Variants in FAM13A observed in about 807,000 individuals in gnomAD.
The protein encoded by FAM13A is protein FAM13A.
Under a neutral mutation model 129.6 loss-of-function variants are expected in FAM13A, and 76 were observed. The ratio of observed to expected loss-of-function variants is 0.59; its 90% CI spans 0.49 to 0.71. FAM13A has a LOEUF of 0.71. Among genes scored for constraint, FAM13A ranks in the 30% least tolerant of loss-of-function variants. The pLI is 0.00. For missense variants in FAM13A, 1,108 were observed against 1,249.3 expected, an observed-to-expected ratio of 0.89 and a Z score of 1.70; for synonymous variants, 443 against 449.9, an observed-to-expected ratio of 0.98 and a Z score of 0.20.
At chr4:88,980,909 T>A (rs1471276476) in intron 4 of FAM13A, among the ~76,000 whole-genome samples, 2 of 152,202 alleles carry the variant, frequency 1.3e-5, no homozygotes, top group African/African-American at 4.8e-5. Flanking sequence ...AAACTCTAAC[T>A]TATTGTGTTG....
intron 7 of FAM13A, among the ~76,000 whole-genome samples, chr4:88,820,764 G>A (rs2149827336): frequency 6.6e-6 from 1 of 152,200 alleles, no homozygotes; most frequent in East Asian, 1.9e-4. Flanking sequence ...GTGAGTCTAG[G>A]GAAGGAGGGC....
At chr4:89,022,788 C>T (rs548089865) in intron 2 of FAM13A, among the ~76,000 whole-genome samples, 30 of 152,298 alleles carry the variant, frequency 2.0e-4, no homozygotes, top group African/African-American at 7.2e-4. Context: ...GTCTGATGTA[C>T]TTTATTAGCT....
intron 3 of FAM13A, among the ~76,000 whole-genome samples, chr4:88,995,817 A>C (rs1579681228): frequency 6.6e-6 from 1 of 152,250 alleles, no homozygotes; most frequent in African/African-American, 2.4e-5. Context: ...ATACAAAAGC[A>C]AACTCCATGC....
chr4:88,797,189 T>C (rs1457039008), intron 8 of FAM13A, among the ~76,000 whole-genome samples: 2 of 152,104 alleles, frequency 1.3e-5, no homozygotes, highest in Non-Finnish European at 2.9e-5. Context: ...ACAAATATGT[T>C]TCTTCATTCA....
At chr4:88,954,758 C>T (rs1964516) in intron 4 of FAM13A, among the ~76,000 whole-genome samples, 68,667 of 151,516 alleles carry the variant, frequency 0.45, 15,699 homozygotes, top group East Asian at 0.53. Flanking sequence ...TGGTGGTGCG[C>T]GCCTATAATC....
At chr4:88,926,643 C>G (rs976147824) in intron 5 of FAM13A, among the ~76,000 whole-genome samples, 1 of 152,112 alleles carries the variant, frequency 6.6e-6, no homozygotes, top group Admixed American at 6.6e-5. Context: ...TACCTATAAT[C>G]GCTCTATAAA....
chr4:88,905,340 T>C (rs1476792941), intron 6 of FAM13A, among the ~76,000 whole-genome samples: 2 of 152,136 alleles, frequency 1.3e-5, no homozygotes, highest in Non-Finnish European at 2.9e-5. Context: ...TTTCAACATG[T>C]TGGCCAGACT....
At chr4:88,944,471 C>G (rs1350516887) in intron 4 of FAM13A, among the ~76,000 whole-genome samples, 1 of 152,226 alleles carries the variant, frequency 6.6e-6, no homozygotes, top group Non-Finnish European at 1.5e-5. Context: ...TGCCTAGCTT[C>G]AAGGGTTCCC....
intron 4 of FAM13A, among the ~76,000 whole-genome samples, chr4:88,988,613 T>G (rs1560676419): frequency 6.6e-6 from 1 of 152,116 alleles, no homozygotes. Flanking sequence ...TCCTTCAAAT[T>G]GTATGACTGA....
chr4:88,769,663 CT>C (rs1720230925), intron 11 of FAM13A, among the ~76,000 whole-genome samples: 2 of 151,956 alleles, frequency 1.3e-5, no homozygotes, highest in Non-Finnish European at 2.9e-5. Context: ...GAAACCCCAT[CT>C]CTACTAAAAA....
At chr4:88,737,850 G>A (rs1043205855) in intron 20 of FAM13A, among the ~76,000 whole-genome samples, 5 of 152,086 alleles carry the variant, frequency 3.3e-5, no homozygotes, top group Admixed American at 2.6e-4. Context: ...GCCTCCCATC[G>A]CTGCCCCTGC....
chr4:88,828,328 G>A (rs1341175520), intron 7 of FAM13A, among the ~76,000 whole-genome samples: 3 of 152,046 alleles, frequency 2.0e-5, no homozygotes, highest in Admixed American at 6.6e-5. Flanking sequence ...GTAGAGATGA[G>A]GTTCTTACTA....
intron 6 of FAM13A, among the ~76,000 whole-genome samples, chr4:88,878,246 C>CCACT (rs1282087066): frequency 7.5e-6 from 1 of 134,012 alleles, no homozygotes; most frequent in Non-Finnish European, 1.5e-5. Flanking sequence ...CGAGATTGCG[C>CCACT]CACTGCACTC....
chr4:88,838,182 T>G (rs894858288), intron 7 of FAM13A, among the ~76,000 whole-genome samples: 1 of 68,224 alleles, frequency 1.5e-5, no homozygotes, highest in African/African-American at 1.3e-4. Context: ...AGGGAGGTCC[T>G]GAAACCTACC....
At chr4:88,776,741 G>A (rs1482618440) in intron 11 of FAM13A, among the ~76,000 whole-genome samples, 1 of 152,070 alleles carries the variant, frequency 6.6e-6, no homozygotes. Context: ...TTGAGAAGCC[G>A]AGGGGGGCAG....
At position 88,787,969 on chromosome 4, in the gene FAM13A, AG is replaced by A. The variant is rs763472139; in HGVS notation, c.1092-38del. ...GAATGCAGAGTCATTCAAGCAGTCA[AG>A]TTCATCAGTGATCACCTTAAAAAAT... On this transcript the variant is annotated intron_variant, in intron 9 of 23. Transcript: ENST00000264344. The A allele has an allele frequency of 2.6e-6, 4 of 1,555,262 alleles. No homozygotes were observed. In the African/African-American group the frequency reaches 5.5e-5, roughly 21 times the overall value.
chr4:88,941,566 T>C (rs1561393525), intron 4 of FAM13A, among the ~76,000 whole-genome samples: 3 of 152,206 alleles, frequency 2.0e-5, no homozygotes, highest in Non-Finnish European at 4.4e-5. Context: ...TGTTGTAATT[T>C]TGTCTTCTGA....
intron 5 of FAM13A, among the ~76,000 whole-genome samples, chr4:88,927,665 C>T (rs973125446): frequency 4.0e-5 from 6 of 151,720 alleles, no homozygotes; most frequent in Admixed American, 3.9e-4. Context: ...TCATAATAGT[C>T]TTTGATGATT....
chr4:88,954,376 T>A (rs534187131), intron 4 of FAM13A, among the ~76,000 whole-genome samples: 4 of 152,240 alleles, frequency 2.6e-5, no homozygotes, highest in Admixed American at 2.0e-4. Context: ...AACTGCCATC[T>A]ATCCATCCAT....
Sources: gnomAD v4.1 joint callset for allele counts (sites outside exome capture counted in the v4.1 genomes callset) on GRCh38, gnomAD v4.1.1 for gene constraint, MANE v1.5 for transcripts, NCBI Gene and HGNC (gene_info 2026-07-23, HGNC 2026-07-21) for gene names.